Variants in MDGA2 observed in about 807,000 individuals in gnomAD.
MDGA2 encodes the protein MAM domain containing glycosylphosphatidylinositol anchor 2.
MDGA2 carries 40 observed loss-of-function variants against 117.8 expected under a neutral mutation model. The observed-to-expected ratio is 0.34, with a 90% CI of 0.26 to 0.44. MDGA2 has a LOEUF of 0.44. MDGA2 is among the 20% of genes least tolerant of loss of function. The pLI is 1.00. For missense variants in MDGA2, 1,123 were observed against 1,250.6 expected, an observed-to-expected ratio of 0.90 and a Z score of 1.54; for synonymous variants, 452 against 439.0, an observed-to-expected ratio of 1.03 and a Z score of -0.37.
intron 8 of MDGA2, among the ~76,000 whole-genome samples, chr14:47,018,763 G>A (rs941810640): frequency 8.3e-3 from 333 of 39,952 alleles, no homozygotes; most frequent in Non-Finnish European, 0.014. Flanking sequence ...AAAAAAAAAA[G>A]TCTCCATTGA....
intron 2 of MDGA2, 108 bp downstream of exon 2, chr14:47,301,302 CA>C (rs1566728472): frequency 1.3e-6 from 1 of 791,708 alleles, no homozygotes. Context: ...CACCCACACA[CA>C]CACACACACA....
intron 2 of MDGA2, among the ~76,000 whole-genome samples, chr14:47,284,503 C>T (rs1888604661): frequency 6.6e-6 from 1 of 152,090 alleles, no homozygotes; most frequent in South Asian, 2.1e-4. Flanking sequence ...GGTAAGATGG[C>T]CTTCAGGTAC....
intron 10 of MDGA2, among the ~76,000 whole-genome samples, chr14:46,899,602 AG>A (rs1222103912): frequency 6.6e-6 from 1 of 151,372 alleles, no homozygotes; most frequent in Non-Finnish European, 1.5e-5. Flanking sequence ...AAATAATGAT[AG>A]AAAAAAAAAA....
intron 1 of MDGA2, among the ~76,000 whole-genome samples, chr14:47,397,193 A>G (rs1408415085): frequency 6.6e-6 from 1 of 152,208 alleles, no homozygotes; most frequent in African/African-American, 2.4e-5. Flanking sequence ...ACATGGATGA[A>G]GCTGGAAACC....
intron 1 of MDGA2, among the ~76,000 whole-genome samples, chr14:47,604,795 C>G (rs1466626520): frequency 2.0e-5 from 3 of 152,178 alleles, no homozygotes; most frequent in Non-Finnish European, 4.4e-5. Context: ...AGACCTCATT[C>G]TCAACCTTTT....
At chr14:47,103,328 A>C (rs1041165573) in intron 5 of MDGA2, among the ~76,000 whole-genome samples, 3 of 152,212 alleles carry the variant, frequency 2.0e-5, no homozygotes, top group Non-Finnish European at 4.4e-5. Context: ...CATTTTCAAC[A>C]GGTATTTCAT....
At chr14:47,305,932 A>G (rs182312137) in intron 1 of MDGA2, 77 of 152,360 alleles carry the variant, frequency 5.1e-4, no homozygotes, top group African/African-American at 1.8e-3. Flanking sequence ...TCTTGGGAGC[A>G]AAAGAGGAAG....
intron 1 of MDGA2, among the ~76,000 whole-genome samples, chr14:47,606,259 A>G (rs1257969434): frequency 6.6e-6 from 1 of 152,164 alleles, no homozygotes; most frequent in Non-Finnish European, 1.5e-5. Context: ...AGAAAGTGCA[A>G]AGTTGATCTA....
chr14:47,200,525 T>TTTC, intron 3 of MDGA2: 1 of 611,516 alleles, frequency 1.6e-6, no homozygotes, highest in Non-Finnish European at 2.5e-6. Context: ...TCTTTTTTCT[T>TTTC]TTTCTTTTCT....
At chr14:47,396,356 A>C (rs981172471) in intron 1 of MDGA2, among the ~76,000 whole-genome samples, 6 of 152,266 alleles carry the variant, frequency 3.9e-5, no homozygotes, top group African/African-American at 1.4e-4. Context: ...AAAACCATGA[A>C]AACCCTTTTT....
intron 2 of MDGA2, among the ~76,000 whole-genome samples, chr14:47,286,820 T>TAC (rs1888696415): frequency 8.5e-6 from 1 of 118,234 alleles, no homozygotes; most frequent in African/African-American, 2.8e-5. Context: ...TATATATATA[T>TAC]ATATACATAT....
rs1894710876 is a variant in MDGA2 at position 47,514,471 on chromosome 14, C to G, written c.280+160046G>C. Among the ~76,000 whole-genome samples, 5 of 152,200 alleles carry G rather than the reference C, an allele frequency of 3.3e-5. No individual in the cohort carries two copies. The South Asian group carries it at 1.0e-3, about 32-fold the overall frequency. ...GGAGGGGTATTTAGATGTCTCTAAT[C>G]TTTGTTTTACAAACAAGAACACAGG... On this transcript the variant is annotated intron_variant, in intron 1 of 16. Transcript: ENST00000399232.
At chr14:47,666,487 G>A (rs72496791) in intron 1 of MDGA2, among the ~76,000 whole-genome samples, 23 of 151,958 alleles carry the variant, frequency 1.5e-4, no homozygotes, top group East Asian at 3.9e-4. Flanking sequence ...TACACCAATC[G>A]ACACTCTGTA....
chr14:47,066,024 T>C (rs1890066688), intron 6 of MDGA2, among the ~76,000 whole-genome samples: 1 of 152,202 alleles, frequency 6.6e-6, no homozygotes, highest in Admixed American at 6.5e-5. Flanking sequence ...TATCTATGTG[T>C]GAAAGATGAA....
At chr14:47,410,644 C>T (rs535443328) in intron 1 of MDGA2, among the ~76,000 whole-genome samples, 4 of 151,932 alleles carry the variant, frequency 2.6e-5, no homozygotes, top group African/African-American at 7.2e-5. Context: ...AGAGAAAATA[C>T]GCCATTTCAG....
intron 3 of MDGA2, among the ~76,000 whole-genome samples, chr14:47,182,007 G>T (rs1884728370): frequency 6.6e-6 from 1 of 152,004 alleles, no homozygotes; most frequent in South Asian, 2.1e-4. Context: ...AGTTGCTGAT[G>T]AACTAATCAA....
chr14:47,375,185 A>G lies in MDGA2; in HGVS notation c.281-73635T>C, dbSNP rs192106124. ...TCATCATTAATAAAAAGACTTTCATATACAGTGCCTCTTAGGAAAAAAAAA... is the reference window on the plus strand; with the variant it reads ...TCATCATTAATAAAAAGACTTTCATGTACAGTGCCTCTTAGGAAAAAAAAA... On this transcript the variant is annotated intron_variant, in intron 1 of 16. Transcript: ENST00000399232. Among the ~76,000 whole-genome samples the G allele has an allele frequency of 7.4e-5, 11 of 149,126 alleles. No homozygotes were observed. The East Asian group carries it at 2.2e-3, about 30-fold the overall frequency.
intron 1 of MDGA2, among the ~76,000 whole-genome samples, chr14:47,442,352 G>GT (rs1893030395): frequency 1.3e-5 from 2 of 152,100 alleles, no homozygotes; most frequent in Non-Finnish European, 2.9e-5. Context: ...ACATGAGAGA[G>GT]TAAGGCAAAC....
chr14:47,089,065 G>C (rs955910316), intron 6 of MDGA2, among the ~76,000 whole-genome samples: 3 of 152,120 alleles, frequency 2.0e-5, no homozygotes, highest in African/African-American at 7.2e-5. Flanking sequence ...TAAGAAAAAT[G>C]TCTGAAGACT....
Sources: gnomAD v4.1 joint callset for allele counts (sites outside exome capture counted in the v4.1 genomes callset) on GRCh38, gnomAD v4.1.1 for gene constraint, MANE v1.5 for transcripts, NCBI Gene and HGNC (gene_info 2026-07-23, HGNC 2026-07-21) for gene names.